Variants in DPYD observed in about 807,000 individuals in gnomAD.
DPYD encodes the protein dihydropyrimidine dehydrogenase.
In DPYD, 109 loss-of-function variants were observed where a neutral mutation model predicts 116.2. The ratio of observed to expected loss-of-function variants is 0.94; its 90% CI spans 0.80 to 1.10. The LOEUF (loss-of-function observed/expected upper bound fraction) is 1.10, where lower values mean the gene tolerates loss of function less well. DPYD is among the 50% of genes least tolerant of loss of function. The pLI is 0.00. For missense variants in DPYD, 1,302 were observed against 1,254.5 expected, an observed-to-expected ratio of 1.04 and a Z score of -0.57; for synonymous variants, 440 against 432.0, an observed-to-expected ratio of 1.02 and a Z score of -0.23.
chr1:97,549,467 C>G, intron 12 of DPYD, 93 bp downstream of exon 12: 1 of 1,371,150 alleles, frequency 7.3e-7, no homozygotes, highest in South Asian at 1.2e-5. Context: ...TATTATATAC[C>G]AAATAGAAAT....
At chr1:97,249,806 C>T (rs955384350) in intron 18 of DPYD, among the ~76,000 whole-genome samples, 44 of 152,060 alleles carry the variant, frequency 2.9e-4, no homozygotes, top group African/African-American at 9.2e-4. Context: ...TACAAATGAT[C>T]AATAAATACA....
intron 3 of DPYD, among the ~76,000 whole-genome samples, chr1:97,741,949 G>T (rs1357047191): frequency 2.0e-5 from 3 of 152,108 alleles, no homozygotes; most frequent in African/African-American, 7.2e-5. Flanking sequence ...GGGATTCTGA[G>T]TGCAGGGTCA....
chr1:97,365,217 G>A (rs1670962935), intron 16 of DPYD, among the ~76,000 whole-genome samples: 1 of 152,170 alleles, frequency 6.6e-6, no homozygotes, highest in Non-Finnish European at 1.5e-5. Flanking sequence ...ACATGACTCA[G>A]TCTTGTCCAC....
At chr1:97,614,161 G>A (rs1000972359) in intron 8 of DPYD, among the ~76,000 whole-genome samples, 3 of 151,954 alleles carry the variant, frequency 2.0e-5, no homozygotes, top group Non-Finnish European at 2.9e-5. Context: ...ATGACAGGGT[G>A]TATCAAACAG....
intron 20 of DPYD, among the ~76,000 whole-genome samples, chr1:97,109,510 A>C (rs905734309): frequency 1.3e-5 from 2 of 152,168 alleles, no homozygotes; most frequent in African/African-American, 4.8e-5. Context: ...AAAGGAAAAC[A>C]GAAAAATGAG....
intron 8 of DPYD, among the ~76,000 whole-genome samples, chr1:97,644,888 C>T (rs1658165059): frequency 6.6e-6 from 1 of 152,034 alleles, no homozygotes; most frequent in Admixed American, 6.6e-5. Context: ...TCTCCTCTAT[C>T]TTAAGTTTTC....
At chr1:97,422,336 G>C (rs1674630653) in intron 14 of DPYD, among the ~76,000 whole-genome samples, 1 of 152,026 alleles carries the variant, frequency 6.6e-6, no homozygotes, top group East Asian at 1.9e-4. Flanking sequence ...CTTTAACAAG[G>C]GACCATGGAA....
At chr1:97,667,341 A>G (rs961776909) in intron 8 of DPYD, among the ~76,000 whole-genome samples, 1 of 152,170 alleles carries the variant, frequency 6.6e-6, no homozygotes, top group African/African-American at 2.4e-5. Flanking sequence ...ATATCAAAAA[A>G]TGTGAATGCC....
intron 3 of DPYD, among the ~76,000 whole-genome samples, chr1:97,779,718 G>T (rs1666626763): frequency 6.6e-6 from 1 of 151,752 alleles, no homozygotes; most frequent in Non-Finnish European, 1.5e-5. Flanking sequence ...CGTGCATTTT[G>T]TACAGTATTA....
intron 1 of DPYD, among the ~76,000 whole-genome samples, chr1:97,919,191 GTTACTGA>G (rs1379831680): frequency 1.3e-5 from 2 of 152,216 alleles, no homozygotes; most frequent in African/African-American, 4.8e-5. Flanking sequence ...GATGAAAGAT[GTTACTGA>G]TTAAAGTGTT....
At chr1:97,220,988 A>T (rs1557948751) in intron 19 of DPYD, among the ~76,000 whole-genome samples, 1 of 152,206 alleles carries the variant, frequency 6.6e-6, no homozygotes, top group Non-Finnish European at 1.5e-5. Flanking sequence ...AGTAGAGCCC[A>T]GGAGCCCCAG....
At chr1:97,229,568 ATATATATATATATATATAT>A (rs1557956288) in intron 19 of DPYD, among the ~76,000 whole-genome samples, 7 of 132,724 alleles carry the variant, frequency 5.3e-5, no homozygotes, top group African/African-American at 1.1e-4. Context: ...ATATATATAT[ATATATATATATATATATAT>A]ATACTGATTT....
At chr1:97,140,032 T>A (rs1654100124) in intron 20 of DPYD, among the ~76,000 whole-genome samples, 1 of 152,048 alleles carries the variant, frequency 6.6e-6, no homozygotes, top group East Asian at 1.9e-4. Context: ...ATTTTTTTTT[T>A]TTTTTACTCT....
At chr1:97,497,045 C>T (rs1271029283) in intron 13 of DPYD, among the ~76,000 whole-genome samples, 1 of 151,726 alleles carries the variant, frequency 6.6e-6, no homozygotes, top group African/African-American at 2.4e-5. Context: ...AGCTAGATCT[C>T]AGGCAAGTCT....
chr1:97,094,944 C>T (rs1181421607), intron 21 of DPYD, among the ~76,000 whole-genome samples: 2 of 152,080 alleles, frequency 1.3e-5, no homozygotes, highest in Non-Finnish European at 2.9e-5. Context: ...CCTTCCCCTA[C>T]CTCTTCCATG....
intron 13 of DPYD, among the ~76,000 whole-genome samples, chr1:97,452,921 T>C (rs1676497541): frequency 1.3e-5 from 2 of 152,118 alleles, no homozygotes; most frequent in African/African-American, 4.8e-5. Context: ...TATGTCTTTA[T>C]AGCAAAAACG....
At chr1:97,495,936 A>G (rs1404432101) in intron 13 of DPYD, among the ~76,000 whole-genome samples, 1 of 152,074 alleles carries the variant, frequency 6.6e-6, no homozygotes, top group Non-Finnish European at 1.5e-5. Context: ...TATTAGGTTG[A>G]CCTTTTCTTT....
intron 8 of DPYD, among the ~76,000 whole-genome samples, chr1:97,677,458 T>C (rs1660206523): frequency 6.6e-6 from 1 of 152,176 alleles, no homozygotes; most frequent in African/African-American, 2.4e-5. Flanking sequence ...CATGTGTTTA[T>C]TGAGAGTAAT....
chr1:97,512,789 A>G (rs1647901144), intron 13 of DPYD, among the ~76,000 whole-genome samples: 1 of 151,852 alleles, frequency 6.6e-6, no homozygotes, highest in Non-Finnish European at 1.5e-5. Context: ...GCCGATATAC[A>G]TTTGTATAGA....
Sources: allele counts gnomAD v4.1 joint callset (sites outside exome capture counted in the v4.1 genomes callset), GRCh38; gene constraint gnomAD v4.1.1; transcripts MANE v1.5; gene names NCBI Gene and HGNC (gene_info 2026-07-23, HGNC 2026-07-21).